Variants in SMUG1 observed in about 807,000 individuals in gnomAD.
SMUG1 encodes the protein single-strand selective monofunctional uracil DNA glycosylase.
In SMUG1, 13 loss-of-function variants were observed where a neutral mutation model predicts 23.9. That is an observed-to-expected ratio of 0.54 (90% CI 0.35 to 0.86). The LOEUF (loss-of-function observed/expected upper bound fraction) is 0.86. SMUG1 is among the 40% of genes least tolerant of loss of function. SMUG1 has a pLI of 0.01. For synonymous variants in SMUG1, 133 were observed against 139.8 expected (o/e 0.95, Z 0.34); for missense variants, 313 against 339.5 (o/e 0.92, Z 0.61).
chr12:54,179,845 A>T (rs1020886746), downstream of SMUG1, among the ~76,000 whole-genome samples: 2 of 152,236 alleles, frequency 1.3e-5, no homozygotes, highest in African/African-American at 2.4e-5. Flanking sequence ...ATTACAAAAG[A>T]TACAAATCAG....
intron 2 of SMUG1, among the ~76,000 whole-genome samples, chr12:54,185,391 C>T (rs768297452): frequency 6.6e-6 from 1 of 150,506 alleles, no homozygotes; most frequent in Non-Finnish European, 1.5e-5. Flanking sequence ...CTGCCTGAAC[C>T]CGGGAGGCTG....
At position 54,166,277 on chromosome 12, in the gene SMUG1, C is replaced by T. The variant is rs142908341; in HGVS notation, c.*53-799G>A. On this transcript the variant is annotated intron_variant and NMD_transcript_variant, in intron 3 of 4. Transcript: ENST00000509864. ...TCGGGAGGCTGAGGCAGGAGAATTG[C>T]TTGAACCTGGGAGGCAGAGGTTGCA... 3.2e-3 allele frequency among the ~76,000 whole-genome samples: 480 copies of T among 152,286 alleles called. 1 individual carries two copies. The highest frequency in any genetic ancestry group is 0.011 in the African/African-American group (464 of 41,554).
chr12:54,172,163 A>G (rs1244783211), intron 2 of SMUG1: 4 of 438,324 alleles, frequency 9.1e-6, no homozygotes, highest in Non-Finnish European at 1.9e-5. Flanking sequence ...CCCTGCAGTG[A>G]CTTCCCATGT....
At position 54,182,130 on chromosome 12, in the gene SMUG1, T is replaced by A. The variant is rs775299901; in HGVS notation, c.779A>T (p.Asn260Ile). 4 of 1,566,226 alleles carry A rather than the reference T, an allele frequency of 2.6e-6. No individual in the cohort carries two copies. The highest frequency in any genetic ancestry group is 4.5e-5 in the East Asian group (2 of 44,370). The change falls in exon 4 of 4, where the codon AAT (asparagine) becomes ATT (isoleucine). Residue 260 changes from asparagine (N) to isoleucine (I), a missense_variant. By Grantham distance (149) the Asn-to-Ile change is moderately radical. Coordinates refer to ENST00000682136, the MANE Select transcript of SMUG1 (RefSeq NM_001243787.2). Reference sequence around the variant, plus strand: ...CAGCAGTGGCAGCAGCCCCAGCTCATTCAATCTTTCCTTGGCCACTGCCTC... The same window carrying A: ...CAGCAGTGGCAGCAGCCCCAGCTCAATCAATCTTTCCTTGGCCACTGCCTC... The part of the protein sequence containing the change: ...GWEAVAKERL[N>I]ELGLLPLLLK
In SMUG1 at chr12:54,182,542, T is replaced by G. The variant is rs1389995340; in HGVS notation, c.367A>C (p.Lys123Gln). Reference sequence around the variant, plus strand: ...CACTCCAGTCCCAGCACTGGTCGTTTAGGATGCTCTTGGGGAGGGGTCAGC... The same window carrying G: ...CACTCCAGTCCCAGCACTGGTCGTTGAGGATGCTCTTGGGGAGGGGTCAGC... ...PVLTPPQEHP[K>Q]RPVLGLECPQ... The change falls in exon 4 of 4, where the codon AAA (lysine) becomes CAA (glutamine). Residue 123 changes from lysine (K) to glutamine (Q), a missense_variant. Physicochemically the swap from Lys to Gln is moderately conservative, Grantham distance 53. Coordinates refer to ENST00000682136, the MANE Select transcript of SMUG1 (RefSeq NM_001243787.2). 3.1e-6 allele frequency: 5 copies of G among 1,614,156 alleles called. No individual in the cohort carries two copies. Among genetic ancestry groups the G allele is most frequent in the Non-Finnish European group, 4.2e-6 (5 of 1,180,020 alleles).
chr12:54,160,972 C>A (rs1300201393), downstream of SMUG1, among the ~76,000 whole-genome samples: 1 of 152,168 alleles, frequency 6.6e-6, no homozygotes, highest in Non-Finnish European at 1.5e-5. Context: ...CAGAAACATG[C>A]AAACACTCCC....
chr12:54,171,399 T>C (rs1940611215), intron 3 of SMUG1, among the ~76,000 whole-genome samples: 1 of 150,758 alleles, frequency 6.6e-6, no homozygotes, highest in Admixed American at 6.6e-5. Flanking sequence ...ACCATTAAAC[T>C]ATAGACTTGT....
intron 3 of SMUG1, among the ~76,000 whole-genome samples, chr12:54,170,155 G>A (rs900987930): frequency 4.7e-5 from 7 of 150,466 alleles, no homozygotes; most frequent in Admixed American, 3.3e-4. Flanking sequence ...GCGAGATCGC[G>A]CCATTGCACT....
downstream of SMUG1, among the ~76,000 whole-genome samples, chr12:54,176,167 G>C (rs983190222): frequency 1.3e-5 from 2 of 151,342 alleles, no homozygotes; most frequent in African/African-American, 2.4e-5. Context: ...CAGAAGTTGT[G>C]GTGAGCCAAG....
chr12:54,182,819 G>T, intron 3 of SMUG1, 196 bp from the exon 4 acceptor site: 1 of 1,120,030 alleles, frequency 8.9e-7, no homozygotes, highest in Non-Finnish European at 1.2e-6. Flanking sequence ...TCTTCATTGT[G>T]AACCGTGGTC....
intron 3 of SMUG1, among the ~76,000 whole-genome samples, chr12:54,171,493 T>A (rs376552864): frequency 1.3e-5 from 2 of 150,910 alleles, no homozygotes; most frequent in Admixed American, 6.6e-5. Context: ...AAAATGAGAC[T>A]ATCCTGGCCA....
Position 54,181,462 on chromosome 12 carries a change from T to C in SMUG1, c.*634A>G, listed in dbSNP as rs1941055150. ...AAGGTAGGCATCCCTGTTTTACAGA[T>C]GAGGAGCCTGAGGCATAGAGAGGTT... is the stretch of plus-strand genomic sequence containing the variant. On this transcript the variant is annotated 3_prime_UTR_variant, in exon 4 of 4. Coordinates refer to ENST00000682136, the MANE Select transcript of SMUG1 (RefSeq NM_001243787.2). The C allele has an allele frequency of 4.2e-6, 5 of 1,180,892 alleles. No individual in the cohort carries two copies. The highest frequency in any genetic ancestry group is 2.5e-5 in the East Asian group (1 of 39,226). The allele number at this position is 1,180,892 out of a possible 1,614,324, so 73.2% of individuals were successfully genotyped here. A position where few individuals can be genotyped will look rare whatever the true frequency, so the allele number is the denominator to read the frequency against.
At position 54,181,513 on chromosome 12, in the gene SMUG1, C is replaced by T. The variant is rs776137093; in HGVS notation, c.*583G>A. ...TATTAATTTGTCAATCAAAAAGTTC[C>T]AAGTTTCAAAGCTGGGATGAAAAGC... On this transcript the variant is annotated 3_prime_UTR_variant, in exon 4 of 4. Coordinates refer to ENST00000682136, the MANE Select transcript of SMUG1 (RefSeq NM_001243787.2). 2.6e-6 allele frequency: 4 copies of T among 1,527,258 alleles called. No homozygotes were observed. The highest frequency in any genetic ancestry group is 3.5e-6 in the Non-Finnish European group (4 of 1,138,756). 94.6% of individuals were successfully genotyped at this position (1,527,258 alleles called of 1,614,324 possible). A position where few individuals can be genotyped will look rare whatever the true frequency, so the allele number is the denominator to read the frequency against.
At chr12:54,174,550 A>G (rs1255394726) in intron 2 of SMUG1, among the ~76,000 whole-genome samples, 4 of 152,250 alleles carry the variant, frequency 2.6e-5, no homozygotes, top group Non-Finnish European at 5.9e-5. Flanking sequence ...AGCACCATCC[A>G]GGTAGATGGA....
intron 3 of SMUG1, among the ~76,000 whole-genome samples, chr12:54,170,009 A>T (rs1940574103): frequency 6.6e-6 from 1 of 151,852 alleles, no homozygotes; most frequent in Admixed American, 6.6e-5. Context: ...GACCAGCCTG[A>T]CCAACATGGA....
downstream of SMUG1, among the ~76,000 whole-genome samples, chr12:54,179,372 T>A (rs1002254231): frequency 1.3e-5 from 2 of 152,152 alleles, no homozygotes; most frequent in African/African-American, 4.8e-5. Context: ...ACTTTCCCAG[T>A]CTTAAGGCCA....
chr12:54,188,295 AAATAATAATAATAAT>A lies in SMUG1; in HGVS notation c.-103-408_-103-394del, dbSNP rs757369651. 1.2e-3 allele frequency among the ~76,000 whole-genome samples: 85 copies of A among 68,900 alleles called. 1 individual carries two copies. The highest frequency in any genetic ancestry group is 4.5e-3 in the South Asian group (10 of 2,234). 45.2% of individuals were successfully genotyped at this position (68,900 alleles called of 152,430 possible). A position where few individuals can be genotyped will look rare whatever the true frequency, so the allele number is the denominator to read the frequency against. ...TAATAATAATAATAATAATAATAATAAATAATAATAATAATAATAATAATAATAATAATAATAATA... is the reference window on the plus strand; with the variant it reads ...TAATAATAATAATAATAATAATAATAAATAATAATAATAATAATAATAATA... On this transcript the variant is annotated intron_variant, in intron 1 of 3. Transcript: ENST00000682136.
chr12:54,177,595 T>C (rs1434871210), downstream of SMUG1, among the ~76,000 whole-genome samples: 1 of 152,146 alleles, frequency 6.6e-6, no homozygotes, highest in Non-Finnish European at 1.5e-5. Context: ...AGTTTGGCTT[T>C]AGAATAATTC....
chr12:54,169,125 A>T (rs547952879), intron 3 of SMUG1, among the ~76,000 whole-genome samples: 2 of 152,256 alleles, frequency 1.3e-5, no homozygotes, highest in South Asian at 4.2e-4. Flanking sequence ...GAAATGACCA[A>T]AAGGCAGACA....
Sources: gnomAD v4.1 joint callset for allele counts (sites outside exome capture counted in the v4.1 genomes callset) on GRCh38, gnomAD v4.1.1 for gene constraint, MANE v1.5 for transcripts, NCBI Gene and HGNC (gene_info 2026-07-23, HGNC 2026-07-21) for gene names.